SLC67A2: variants seen among roughly 807,000 people sequenced by gnomAD.
SLC67A2 encodes solute carrier family 67 member A2.
the SLC67A2 span, among the ~76,000 whole-genome samples, chr2:102,734,026 T>C: frequency 1.3e-5 from 2 of 152,356 alleles, no homozygotes; most frequent in East Asian, 1.9e-4. Flanking sequence ...AGGCAACTCC[T>C]TTCTGCTTCT....
At chr2:102,718,732 G>T in the SLC67A2 span, 25 of 1,613,866 alleles carry the variant, frequency 1.5e-5, no homozygotes, top group Non-Finnish European at 2.1e-5. Context: ...CCATGGTGGG[G>T]GCCAAGGAGT....
the SLC67A2 span, chr2:102,732,451 T>A: frequency 6.7e-7 from 1 of 1,491,310 alleles, no homozygotes; most frequent in East Asian, 2.3e-5. Flanking sequence ...TTAGTATTTT[T>A]CAAACTAGTA....
At chr2:102,720,389 A>G in the SLC67A2 span, among the ~76,000 whole-genome samples, 9 of 152,228 alleles carry the variant, frequency 5.9e-5, no homozygotes, top group Non-Finnish European at 1.0e-4. Context: ...ATGAACTAAA[A>G]AAGTAGAATT....
chr2:102,717,437 C>T, the SLC67A2 span: 1 of 152,324 alleles, frequency 6.6e-6, no homozygotes, highest in African/African-American at 2.4e-5. Context: ...CATTCCTGTG[C>T]TTTGGCTTCA....
chr2:102,723,695 C>T, the SLC67A2 span: 5 of 1,613,496 alleles, frequency 3.1e-6, no homozygotes, highest in Non-Finnish European at 3.4e-6. Flanking sequence ...TGATTGTCAA[C>T]TTACCAGCAT....
chr2:102,730,716 TG>T, the SLC67A2 span, among the ~76,000 whole-genome samples: 1 of 152,074 alleles, frequency 6.6e-6, no homozygotes, highest in Non-Finnish European at 1.5e-5. Context: ...CTAATTTTTT[TG>T]TATCTTTTTT....
the SLC67A2 span, among the ~76,000 whole-genome samples, chr2:102,719,827 A>G: frequency 6.6e-6 from 1 of 152,196 alleles, no homozygotes; most frequent in Non-Finnish European, 1.5e-5. Flanking sequence ...ATGGGCAGGG[A>G]CAGCTTGGCC....
the SLC67A2 span, among the ~76,000 whole-genome samples, chr2:102,723,326 G>A: frequency 1.6e-3 from 242 of 152,224 alleles, 2 homozygotes; most frequent in African/African-American, 5.3e-3. Flanking sequence ...AAAATTAACC[G>A]GGTATGGTGG....
the SLC67A2 span, among the ~76,000 whole-genome samples, chr2:102,735,839 C>CGT: frequency 1.4e-5 from 1 of 70,686 alleles, no homozygotes; most frequent in Admixed American, 1.2e-4. Context: ...CCAGGACACG[C>CGT]GCGCGCGCAC....
At chr2:102,735,865 C>CAA in the SLC67A2 span, among the ~76,000 whole-genome samples, 2 of 151,846 alleles carry the variant, frequency 1.3e-5, no homozygotes, top group African/African-American at 4.8e-5. Flanking sequence ...CACACACACA[C>CAA]ACACGATGAA....
the SLC67A2 span, chr2:102,716,841 A>C: frequency 6.6e-6 from 1 of 152,202 alleles, no homozygotes; most frequent in East Asian, 1.9e-4. Context: ...TACTTGATGC[A>C]ATCCCAATGG....
chr2:102,722,629 A>C, the SLC67A2 span, among the ~76,000 whole-genome samples: 1 of 152,238 alleles, frequency 6.6e-6, no homozygotes, highest in Non-Finnish European at 1.5e-5. Flanking sequence ...AATAGATTAA[A>C]GATAAAAATC....
chr2:102,736,678 A>T, the SLC67A2 span: 3 of 1,613,612 alleles, frequency 1.9e-6, no homozygotes, highest in Non-Finnish European at 2.5e-6. Context: ...CAGAGCAGGA[A>T]GCGGCGGGCT....
At chr2:102,722,082 G>A in the SLC67A2 span, among the ~76,000 whole-genome samples, 1 of 152,216 alleles carries the variant, frequency 6.6e-6, no homozygotes, top group Non-Finnish European at 1.5e-5. Context: ...TCTGCCTACT[G>A]ATTTGGGGGA....
chr2:102,730,883 T>C, the SLC67A2 span: 2 of 758,818 alleles, frequency 2.6e-6, no homozygotes, highest in Non-Finnish European at 4.4e-6. Context: ...ACATTCTTTT[T>C]GTCTGTAAAA....
chr2:102,725,363 G>C, the SLC67A2 span, among the ~76,000 whole-genome samples: 3 of 152,126 alleles, frequency 2.0e-5, no homozygotes, highest in Admixed American at 2.0e-4. Flanking sequence ...GTTCATATAA[G>C]AGAACTCTCA....
At chr2:102,719,202 C>T in the SLC67A2 span, 15 of 1,609,670 alleles carry the variant, frequency 9.3e-6, no homozygotes, top group African/African-American at 6.7e-5. Context: ...AAGAACCAAA[C>T]GAGACCTGTT....
the SLC67A2 span, among the ~76,000 whole-genome samples, chr2:102,731,327 G>T: frequency 6.6e-6 from 1 of 152,052 alleles, no homozygotes; most frequent in Non-Finnish European, 1.5e-5. Flanking sequence ...AAGGCAAAAG[G>T]TGACGTTATG....
At chr2:102,724,034 T>C in the SLC67A2 span, 4 of 773,988 alleles carry the variant, frequency 5.2e-6, no homozygotes, top group African/African-American at 1.7e-5. Context: ...AAGGCAGCTA[T>C]GCTCACCACT....
Sources: gnomAD v4.1 joint callset for allele counts (sites outside exome capture counted in the v4.1 genomes callset) on GRCh38, gnomAD v4.1.1 for gene constraint, MANE v1.5 for transcripts, NCBI Gene and HGNC (gene_info 2026-07-23, HGNC 2026-07-21) for gene names.